SLC71A2: variants seen among roughly 807,000 people sequenced by gnomAD.
The protein encoded by SLC71A2 is hippocampus abundant transcript-like 1.
At chr9:94,420,622 C>T in the SLC71A2 span, among the ~76,000 whole-genome samples, 3 of 150,102 alleles carry the variant, frequency 2.0e-5, no homozygotes, top group Admixed American at 1.3e-4. Context: ...AATTCAAGGC[C>T]AGGCGTGGTG....
At chr9:94,385,106 C>T in the SLC71A2 span, among the ~76,000 whole-genome samples, 1 of 151,972 alleles carries the variant, frequency 6.6e-6, no homozygotes, top group East Asian at 1.9e-4. Flanking sequence ...CTGTGGTATT[C>T]TATTATAGCA....
chr9:94,390,653 CT>C, the SLC71A2 span, among the ~76,000 whole-genome samples: 2 of 152,168 alleles, frequency 1.3e-5, no homozygotes, highest in African/African-American at 4.8e-5. Flanking sequence ...CATGTGACTG[CT>C]TTGATTTTTG....
chr9:94,386,892 T>C, the SLC71A2 span, among the ~76,000 whole-genome samples: 1 of 152,222 alleles, frequency 6.6e-6, no homozygotes, highest in African/African-American at 2.4e-5. Flanking sequence ...ATTTTGTGGC[T>C]CTTTCTTGAG....
chr9:94,413,887 T>C, the SLC71A2 span, among the ~76,000 whole-genome samples: 1 of 152,218 alleles, frequency 6.6e-6, no homozygotes, highest in Non-Finnish European at 1.5e-5. Flanking sequence ...TGGTGATGTC[T>C]GTTAACTGGT....
At chr9:94,417,858 A>ACCC in the SLC71A2 span, among the ~76,000 whole-genome samples, 1 of 60,554 alleles carries the variant, frequency 1.7e-5, no homozygotes, top group Non-Finnish European at 3.5e-5. Context: ...TTCCCACCCC[A>ACCC]CCCCCCCCCC....
At chr9:94,458,400 A>G in the SLC71A2 span, 2 of 1,613,968 alleles carry the variant, frequency 1.2e-6, no homozygotes, top group African/African-American at 2.7e-5. Context: ...TTCATATTCT[A>G]CATGTTCCAT....
chr9:94,449,478 C>T, the SLC71A2 span, among the ~76,000 whole-genome samples: 1 of 152,122 alleles, frequency 6.6e-6, no homozygotes, highest in Non-Finnish European at 1.5e-5. Flanking sequence ...GGCCAATAAG[C>T]ACAGGAAAAG....
the SLC71A2 span, among the ~76,000 whole-genome samples, chr9:94,422,566 A>G: frequency 0.013 from 2,026 of 152,230 alleles, 33 homozygotes; most frequent in Non-Finnish European, 0.019. Context: ...CAGCATCACT[A>G]TGTAGTGCTA....
chr9:94,380,262 C>T, the SLC71A2 span, among the ~76,000 whole-genome samples: 1 of 151,822 alleles, frequency 6.6e-6, no homozygotes, highest in Non-Finnish European at 1.5e-5. Flanking sequence ...CAGAGCGAGA[C>T]TCTTTCTCAA....
chr9:94,431,866 G>T, the SLC71A2 span, among the ~76,000 whole-genome samples: 1 of 152,070 alleles, frequency 6.6e-6, no homozygotes, highest in Admixed American at 6.6e-5. Context: ...AGAGTGTTTG[G>T]CCCGTGGCTC....
chr9:94,407,491 GC>G, the SLC71A2 span, among the ~76,000 whole-genome samples: 3 of 151,824 alleles, frequency 2.0e-5, no homozygotes, highest in African/African-American at 7.3e-5. Flanking sequence ...CAATTTTCTG[GC>G]CTCCGTCACC....
At chr9:94,404,860 G>GT in the SLC71A2 span, among the ~76,000 whole-genome samples, 4 of 152,078 alleles carry the variant, frequency 2.6e-5, no homozygotes, top group South Asian at 8.3e-4. Context: ...TGATTTTTAT[G>GT]TATTTTTTCT....
At chr9:94,458,748 CCTAAAAATCCAG>C in the SLC71A2 span, among the ~76,000 whole-genome samples, 1 of 152,054 alleles carries the variant, frequency 6.6e-6, no homozygotes, top group Admixed American at 6.6e-5. Context: ...TTTGAAATGA[CCTAAAAATCCAG>C]CTAAAAATTG....
the SLC71A2 span, chr9:94,446,818 C>T: frequency 8.6e-6 from 13 of 1,505,350 alleles, no homozygotes; most frequent in African/African-American, 4.1e-5. Context: ...TCTGCTTATT[C>T]TCAGTCGTTG....
the SLC71A2 span, among the ~76,000 whole-genome samples, chr9:94,383,614 T>A: frequency 6.6e-6 from 1 of 152,188 alleles, no homozygotes; most frequent in Non-Finnish European, 1.5e-5. Flanking sequence ...AGTCCCCCAA[T>A]CTTGTTATTT....
chr9:94,456,313 C>A, the SLC71A2 span: 7 of 1,613,950 alleles, frequency 4.3e-6, no homozygotes, highest in Admixed American at 1.0e-4. Context: ...CCTCGTCTCT[C>A]GGAATGCAGA....
the SLC71A2 span, among the ~76,000 whole-genome samples, chr9:94,406,195 G>A: frequency 1.4e-5 from 2 of 147,114 alleles, no homozygotes; most frequent in Non-Finnish European, 3.0e-5. Context: ...AGCCTCCTGA[G>A]TAGATGGGAC....
At chr9:94,401,837 A>G in the SLC71A2 span, among the ~76,000 whole-genome samples, 1 of 152,264 alleles carries the variant, frequency 6.6e-6, no homozygotes, top group South Asian at 2.1e-4. Context: ...AAGTAGAGGA[A>G]CAAAAGAATG....
At chr9:94,436,232 C>T in the SLC71A2 span, among the ~76,000 whole-genome samples, 1 of 152,262 alleles carries the variant, frequency 6.6e-6, no homozygotes, top group South Asian at 2.1e-4. Flanking sequence ...AGAGGGTTGG[C>T]TGTGTAGAGA....
Sources: gnomAD v4.1 joint callset for allele counts (sites outside exome capture counted in the v4.1 genomes callset) on GRCh38, gnomAD v4.1.1 for gene constraint, MANE v1.5 for transcripts, NCBI Gene and HGNC (gene_info 2026-07-23, HGNC 2026-07-21) for gene names.